MYH10: variants seen among roughly 807,000 people sequenced by gnomAD.
MYH10 encodes the protein myosin heavy chain 10.
A neutral mutation model predicts 257.8 loss-of-function variants in MYH10; 55 were observed. That is an observed-to-expected ratio of 0.21 (90% CI 0.17 to 0.27). MYH10 has a LOEUF of 0.27. MYH10 is among the 10% of genes least tolerant of loss of function. The pLI, the probability that MYH10 is intolerant of heterozygous loss-of-function variation, is 1.00. For missense variants in MYH10, 1,631 were observed against 2,500.6 expected, an observed-to-expected ratio of 0.65 and a Z score of 7.42; for synonymous variants, 854 against 921.7, an observed-to-expected ratio of 0.93 and a Z score of 1.33.
chr17:8,505,331 C>T (rs1364315937), intron 27 of MYH10, among the ~76,000 whole-genome samples: 1 of 152,252 alleles, frequency 6.6e-6, no homozygotes, highest in Non-Finnish European at 1.5e-5. Context: ...GCTCAAAGAA[C>T]ACAGTAGAAG....
At chr17:8,496,762 A>G (rs1328280782) in intron 30 of MYH10, among the ~76,000 whole-genome samples, 1 of 152,196 alleles carries the variant, frequency 6.6e-6, no homozygotes, top group Non-Finnish European at 1.5e-5. Context: ...CCTGCTTGCG[A>G]TGTTGACCTT....
At chr17:8,572,259 A>T (rs9902913) in intron 6 of MYH10, among the ~76,000 whole-genome samples, 139,189 of 147,748 alleles carry the variant, frequency 0.94, 65,446 homozygotes, top group Non-Finnish European at 0.99. Context: ...TGTGTGTGTG[A>T]GTGAGAGAGA....
chr17:8,519,897 TG>T (rs1481748320), intron 19 of MYH10, among the ~76,000 whole-genome samples: 1 of 152,242 alleles, frequency 6.6e-6, no homozygotes, highest in Non-Finnish European at 1.5e-5. Context: ...AACATATGTT[TG>T]TATCCATTTC....
chr17:8,618,685 TAC>T (rs2085355309), intron 2 of MYH10, among the ~76,000 whole-genome samples: 1 of 152,196 alleles, frequency 6.6e-6, no homozygotes, highest in African/African-American at 2.4e-5. Flanking sequence ...CATAACACCA[TAC>T]ACACATCATC....
At chr17:8,514,901 G>A (rs1000821176) in intron 21 of MYH10, among the ~76,000 whole-genome samples, 1 of 152,030 alleles carries the variant, frequency 6.6e-6, no homozygotes, top group African/African-American at 2.4e-5. Context: ...CACTCCTCTG[G>A]GGACTACCCA....
intron 27 of MYH10, among the ~76,000 whole-genome samples, chr17:8,505,151 C>T (rs549914668): frequency 3.3e-4 from 51 of 152,356 alleles, no homozygotes; most frequent in African/African-American, 1.2e-3. Context: ...AGCCCCAGCC[C>T]CCTTTCCAAA....
At chr17:8,507,394 C>CCA (rs930392391) in intron 26 of MYH10, among the ~76,000 whole-genome samples, 4 of 152,218 alleles carry the variant, frequency 2.6e-5, no homozygotes, top group African/African-American at 9.7e-5. Context: ...GGTGATGGTA[C>CCA]CAGTCTCTAG....
At chr17:8,600,377 G>C (rs139499116) in intron 3 of MYH10, among the ~76,000 whole-genome samples, 85 of 152,264 alleles carry the variant, frequency 5.6e-4, no homozygotes, top group African/African-American at 1.9e-3. Context: ...AACACATTTA[G>C]GAGATTGGAC....
In MYH10 at chr17:8,480,475, A is replaced by G; in HGVS notation, c.5315T>C (p.Leu1772Pro). 1 of 1,612,280 alleles carries G rather than the reference A, an allele frequency of 6.2e-7. No individual in the cohort carries two copies. Among genetic ancestry groups the G allele is most frequent in the Non-Finnish European group, 8.5e-7 (1 of 1,179,964 alleles). The change falls in exon 39 of 43, where the codon CTG (leucine) becomes CCG (proline). Residue 1772 changes from leucine to proline, a missense_variant. Physicochemically the swap from Leu to Pro is moderately conservative, Grantham distance 98 (BLOSUM62 -3). This residue lies in a region of MYH10 where 343 missense variants were observed against 389.5 expected (regional missense o/e 0.88). Coordinates refer to ENST00000360416, the MANE Select transcript of MYH10 (RefSeq NM_001256012.3). The part of the protein sequence containing the change: ...KRRLEARIAQ[L>P]EEELEEEQSN... ...CTGCTCCTCTTCCAGCTCCTCCTCC[A>G]GCTGTGCGATCCGAGCTTCCAGACG...
chr17:8,583,485 C>T (rs2083784413), intron 4 of MYH10, among the ~76,000 whole-genome samples: 1 of 151,910 alleles, frequency 6.6e-6, no homozygotes, highest in South Asian at 2.1e-4. Context: ...TCTGATAGCC[C>T]CCCTAAATAG....
intron 14 of MYH10, among the ~76,000 whole-genome samples, chr17:8,541,330 G>A (rs1325493892): frequency 6.6e-6 from 1 of 152,230 alleles, no homozygotes; most frequent in Non-Finnish European, 1.5e-5. Flanking sequence ...TAGTGTTAGA[G>A]CTTCCTCTAC....
chr17:8,488,683 T>G (rs1915269858), intron 35 of MYH10, among the ~76,000 whole-genome samples: 1 of 151,998 alleles, frequency 6.6e-6, no homozygotes, highest in Admixed American at 6.5e-5. Context: ...GCTCCACTGG[T>G]CCTCTCCAAA....
intron 7 of MYH10, among the ~76,000 whole-genome samples, chr17:8,565,786 G>C (rs575616554): frequency 9.2e-5 from 14 of 152,268 alleles, no homozygotes; most frequent in African/African-American, 3.4e-4. Flanking sequence ...CTTCCAGGTG[G>C]CTAGAAAACA....
intron 35 of MYH10, among the ~76,000 whole-genome samples, chr17:8,488,965 G>A (rs1319141318): frequency 6.6e-6 from 1 of 152,142 alleles, no homozygotes; most frequent in Non-Finnish European, 1.5e-5. Flanking sequence ...CCTCTTGAAT[G>A]TGGGCCAGAC....
At chr17:8,576,582 A>G in intron 6 of MYH10, 61 bp downstream of exon 6, 3 of 1,479,176 alleles carry the variant, frequency 2.0e-6, no homozygotes, top group South Asian at 1.2e-5. Context: ...CAGAGACTCA[A>G]TCTACAGACA....
In MYH10 at chr17:8,604,973, C is replaced by A; in HGVS notation, c.355G>T (p.Gly119Ter). 1.4e-6 allele frequency: 2 copies of A among 1,469,718 alleles called. No individual in the cohort carries two copies. The highest frequency in any genetic ancestry group is 1.8e-6 in the Non-Finnish European group (2 of 1,082,572). 91.0% of individuals were successfully genotyped at this position (1,469,718 alleles called of 1,614,324 possible). A position where few individuals can be genotyped will look rare whatever the true frequency, so the allele number is the denominator to read the frequency against. ...GGGTTTATAACTACACAGAAGAGTC[C>A]AGAATAAGTCTAGAATAAAAATAAA... ...YYSGLIYTYS[G>*]LFCVVINPYK... Residue 119 changes from glycine to a stop codon, truncating the protein, a stop_gained, in exon 3 of 43, where the codon GGA becomes TGA. Coordinates refer to ENST00000360416, the MANE Select transcript of MYH10 (RefSeq NM_001256012.3). LOFTEE classifies it high-confidence loss of function.
At position 8,490,520 on chromosome 17, in the gene MYH10, T is replaced by C. The variant is rs1915602808; in HGVS notation, c.4704A>G (p.Leu1568=). ...VHELEKSKRA[L]EQQVEEMRTQ... ...TCCTCATTTCCTCCACCTGCTGCTCTAGGGCCCGTTTGGATTTTTCAAGTT... is the reference window on the plus strand; with the variant it reads ...TCCTCATTTCCTCCACCTGCTGCTCCAGGGCCCGTTTGGATTTTTCAAGTT... The change falls in exon 35 of 43, where the codon CTA becomes CTG. Residue 1568 remains leucine (L), a synonymous_variant. Coordinates refer to ENST00000360416, the MANE Select transcript of MYH10 (RefSeq NM_001256012.3). This position sits in a 1 kb window ranked among gnomAD's most constrained non-coding sequence, Gnocchi z 4.1. 16 of 1,614,186 alleles carry C rather than the reference T, an allele frequency of 9.9e-6. No individual in the cohort carries two copies. Among genetic ancestry groups the C allele is most frequent in the Non-Finnish European group, 1.3e-5 (15 of 1,180,024 alleles).
chr17:8,514,567 G>A (rs1023466441), intron 21 of MYH10, among the ~76,000 whole-genome samples: 6 of 152,000 alleles, frequency 3.9e-5, no homozygotes, highest in South Asian at 4.2e-4. Flanking sequence ...GTTCCCATTC[G>A]CCTTCACTCT....
intron 17 of MYH10, among the ~76,000 whole-genome samples, chr17:8,527,999 G>A (rs2081902713): frequency 6.6e-6 from 1 of 152,230 alleles, no homozygotes; most frequent in African/African-American, 2.4e-5. Context: ...ATCAATGGAT[G>A]TAATCTATAT....
Sources: gnomAD v4.1 joint callset for allele counts (sites outside exome capture counted in the v4.1 genomes callset) on GRCh38, gnomAD v4.1.1 for gene constraint, gnomAD v4.1.1 regional missense constraint, Gnocchi (gnomAD v3.1) non-coding constraint, MANE v1.5 for transcripts, NCBI Gene and HGNC (gene_info 2026-07-23, HGNC 2026-07-21) for gene names.